PRR16: variants seen among roughly 807,000 people sequenced by gnomAD.
The protein encoded by PRR16 is protein Largen.
PRR16 carries 6 observed loss-of-function variants against 18.2 expected under a neutral mutation model. The ratio of observed to expected loss-of-function variants is 0.33; its 90% CI spans 0.18 to 0.65. PRR16 has a LOEUF of 0.65. Ranked by LOEUF, PRR16 falls within the 30% of genes least tolerant of loss-of-function variation. The probability of loss-of-function intolerance (pLI) is 0.74; values close to 1 mark genes in which losing one functional copy is unlikely to be tolerated. For missense variants in PRR16, 412 were observed against 376.6 expected (o/e 1.09, Z -0.78); for synonymous variants, 151 against 147.8 (o/e 1.02, Z -0.16).
the PRR16 span, among the ~76,000 whole-genome samples, chr5:120,753,998 ATATAT>A: frequency 8.8e-4 from 112 of 127,250 alleles, 3 homozygotes; most frequent in African/African-American, 2.7e-3. Flanking sequence ...AACATATATA[ATATAT>A]ATATTATATA....
chr5:120,607,770 C>G (rs922887805), intron 1 of PRR16, among the ~76,000 whole-genome samples: 2 of 151,924 alleles, frequency 1.3e-5, no homozygotes, highest in African/African-American at 4.8e-5. Flanking sequence ...GAGGTGATAA[C>G]CATGTGTGTT....
chr5:120,538,187 T>G (rs1020492848), intron 1 of PRR16, among the ~76,000 whole-genome samples: 3 of 152,280 alleles, frequency 2.0e-5, no homozygotes, highest in African/African-American at 7.2e-5. Flanking sequence ...TGTTGAATAC[T>G]TAATATTTAG....
chr5:120,624,325 G>A (rs1754792097), intron 1 of PRR16, among the ~76,000 whole-genome samples: 1 of 152,156 alleles, frequency 6.6e-6, no homozygotes, highest in Non-Finnish European at 1.5e-5. Context: ...ACTCATATTT[G>A]AAAGAGACCT....
intron 1 of PRR16, among the ~76,000 whole-genome samples, chr5:120,466,882 A>T (rs1749122570): frequency 2.0e-5 from 3 of 152,174 alleles, no homozygotes. Context: ...AAATAATGTG[A>T]TGTGATTGTT....
At chr5:120,783,590 G>A in the PRR16 span, among the ~76,000 whole-genome samples, 2 of 151,952 alleles carry the variant, frequency 1.3e-5, no homozygotes, top group African/African-American at 4.8e-5. Flanking sequence ...TAATTTTTAT[G>A]AGTACATAAT....
chr5:120,555,801 GTT>G (rs201939623), intron 1 of PRR16, among the ~76,000 whole-genome samples: 6 of 125,308 alleles, frequency 4.8e-5, no homozygotes, highest in Admixed American at 8.3e-5. Flanking sequence ...ACCTAGAAAG[GTT>G]TTTTTTTTTT....
intron 1 of PRR16, among the ~76,000 whole-genome samples, chr5:120,637,893 T>C (rs1019593434): frequency 6.6e-5 from 10 of 152,072 alleles, no homozygotes; most frequent in African/African-American, 2.4e-4. Flanking sequence ...TCCTTAAAGG[T>C]GTTGGCAGAC....
chr5:120,596,299 A>G (rs1177705731), intron 1 of PRR16, among the ~76,000 whole-genome samples: 1 of 151,738 alleles, frequency 6.6e-6, no homozygotes, highest in Non-Finnish European at 1.5e-5. Flanking sequence ...ACTGTGGTAC[A>G]GTGGGACAGA....
the PRR16 span, among the ~76,000 whole-genome samples, chr5:120,778,384 A>G: frequency 6.6e-6 from 1 of 152,168 alleles, no homozygotes; most frequent in Non-Finnish European, 1.5e-5. Flanking sequence ...CATTTTTCCT[A>G]TCCTTAATCT....
At chr5:120,519,180 C>A (rs750378434) in intron 1 of PRR16, among the ~76,000 whole-genome samples, 10 of 151,920 alleles carry the variant, frequency 6.6e-5, no homozygotes, top group Non-Finnish European at 1.5e-4. Context: ...TGAAAGACAG[C>A]AGGTATGTGC....
the PRR16 span, among the ~76,000 whole-genome samples, chr5:120,725,812 G>T: frequency 2.0e-5 from 3 of 152,096 alleles, no homozygotes; most frequent in South Asian, 2.1e-4. Flanking sequence ...GGGTAAAATT[G>T]ATTTTCAATA....
At chr5:120,694,390 A>G in the PRR16 span, among the ~76,000 whole-genome samples, 3 of 152,258 alleles carry the variant, frequency 2.0e-5, no homozygotes, top group Non-Finnish European at 4.4e-5. Context: ...GCAAATGAGC[A>G]TGATAGAATT....
At position 120,660,081 on chromosome 5, in the gene PRR16, C is replaced by T. The variant is rs114576351; in HGVS notation, c.160-25873C>T. Among the ~76,000 whole-genome samples the T allele has an allele frequency of 2.8e-3, 422 of 151,928 alleles. 4 individuals carry two copies. The highest frequency in any genetic ancestry group is 9.6e-3 in the African/African-American group (399 of 41,468). On this transcript the variant is annotated intron_variant, in intron 1 of 1. Coordinates refer to ENST00000407149, the MANE Select transcript of PRR16 (RefSeq NM_001300783.2). ...GAGTGTAGGGCATAGAAGAGTGTTT[C>T]GTTACTAAACTCATCCTAAGTTTAT...
chr5:120,755,723 T>C, the PRR16 span, among the ~76,000 whole-genome samples: 1 of 152,140 alleles, frequency 6.6e-6, no homozygotes, highest in Non-Finnish European at 1.5e-5. Flanking sequence ...GGTAGAATTA[T>C]TTATTTCTTT....
At chr5:120,787,880 A>G in the PRR16 span, among the ~76,000 whole-genome samples, 5 of 152,136 alleles carry the variant, frequency 3.3e-5, no homozygotes, top group Admixed American at 1.3e-4. Flanking sequence ...CATAGTATAA[A>G]AGGACACCCT....
intron 1 of PRR16, among the ~76,000 whole-genome samples, chr5:120,578,034 AAG>A (rs1753138318): frequency 6.6e-6 from 1 of 152,330 alleles, no homozygotes; most frequent in Admixed American, 6.5e-5. Context: ...GGATAAGAAA[AAG>A]AATTAATTTA....
the PRR16 span, among the ~76,000 whole-genome samples, chr5:120,726,919 G>C: frequency 6.6e-6 from 1 of 152,032 alleles, no homozygotes; most frequent in Non-Finnish European, 1.5e-5. Flanking sequence ...TAGAAGAGTA[G>C]CAAAATGTTT....
At chr5:120,592,639 T>C (rs1753672563) in intron 1 of PRR16, among the ~76,000 whole-genome samples, 1 of 152,166 alleles carries the variant, frequency 6.6e-6, no homozygotes, top group Admixed American at 6.6e-5. Flanking sequence ...TGTTGCCCAT[T>C]GTGCATGTAA....
At chr5:120,530,911 G>T (rs1300306241) in intron 1 of PRR16, among the ~76,000 whole-genome samples, 1 of 152,146 alleles carries the variant, frequency 6.6e-6, no homozygotes, top group African/African-American at 2.4e-5. Context: ...ATTCGAGTAA[G>T]ATAGAATCTT....
Sources: gnomAD v4.1 joint callset for allele counts (sites outside exome capture counted in the v4.1 genomes callset) on GRCh38, gnomAD v4.1.1 for gene constraint, MANE v1.5 for transcripts, NCBI Gene and HGNC (gene_info 2026-07-23, HGNC 2026-07-21) for gene names.